Variants in SMARCC1 observed in about 807,000 individuals in gnomAD.
The protein encoded by SMARCC1 is SWI/SNF complex subunit SMARCC1.
SMARCC1 carries 43 observed loss-of-function variants against 147.4 expected under a neutral mutation model. That is an observed-to-expected ratio of 0.29 (90% confidence interval 0.23 to 0.38). The LOEUF is 0.38. SMARCC1 is among the 10% of genes least tolerant of loss of function. The pLI is 1.00. For missense variants in SMARCC1, 1,119 were observed against 1,381.1 expected (o/e 0.81, Z 3.01); for synonymous variants, 495 against 484.4 (o/e 1.02, Z -0.29).
At chr3:47,699,872 T>G (rs2033896743) in intron 11 of SMARCC1, among the ~76,000 whole-genome samples, 1 of 152,074 alleles carries the variant, frequency 6.6e-6, no homozygotes, top group Non-Finnish European at 1.5e-5. Context: ...TTTACAAATT[T>G]CTCAATAATG....
chr3:47,767,728 C>T (rs891432601), intron 2 of SMARCC1, among the ~76,000 whole-genome samples: 9 of 150,916 alleles, frequency 6.0e-5, no homozygotes, highest in East Asian at 4.0e-4. Flanking sequence ...ATTAGCTGGG[C>T]GTGGTGGTGG....
At position 47,724,541 on chromosome 3, in the gene SMARCC1, T is replaced by C. The variant is rs143043496; in HGVS notation, c.647-3806A>G. On this transcript the variant is annotated intron_variant, in intron 6 of 27. Transcript: ENST00000254480. ...GCTTTGAATGTAGCCCAACACAAAT[T>C]CATAAGTTTTCTTAGAACATTATGG... 3.1e-4 allele frequency among the ~76,000 whole-genome samples: 47 copies of C among 152,300 alleles called. No individual in the cohort carries two copies. In the East Asian group the frequency reaches 8.5e-3, roughly 27 times the overall value.
chr3:47,614,255 G>A (rs2032606628), intron 25 of SMARCC1, among the ~76,000 whole-genome samples: 1 of 152,146 alleles, frequency 6.6e-6, no homozygotes, highest in Non-Finnish European at 1.5e-5. Context: ...TCCAAAAAGG[G>A]AGCCTGCATC....
chr3:47,622,480 A>C (rs1463339904), intron 24 of SMARCC1, 139 bp from the exon 25 acceptor site: 1 of 781,800 alleles, frequency 1.3e-6, no homozygotes, highest in African/African-American at 1.8e-5. Flanking sequence ...GTACAATCTA[A>C]AATAACTGTC....
intron 2 of SMARCC1, among the ~76,000 whole-genome samples, chr3:47,767,126 T>TGAGCCGAGATCACACC (rs1210391598): frequency 8.0e-6 from 1 of 125,660 alleles, no homozygotes; most frequent in Non-Finnish European, 1.6e-5. Flanking sequence ...GAAGTTGCAG[T>TGAGCCGAGATCACACC]GAGCCGAGAT....
chr3:47,781,858 G>T lies in SMARCC1; in HGVS notation c.-61C>A. The T allele has an allele frequency of 8.6e-7, 1 of 1,159,540 alleles. No individual in the cohort carries two copies. Among genetic ancestry groups the T allele is most frequent in the Non-Finnish European group, 1.1e-6 (1 of 911,080 alleles). 71.8% of individuals were successfully genotyped at this position (1,159,540 alleles called of 1,614,324 possible). ...CCGGCCCTCGCGGTGTTTCCCGGTC[G>T]TTCCCGCGCGCACCCCCGCGCGCGT... On this transcript the variant is annotated 5_prime_UTR_variant, in exon 1 of 28. Coordinates refer to ENST00000254480, the MANE Select transcript of SMARCC1 (RefSeq NM_003074.4).
intron 24 of SMARCC1, among the ~76,000 whole-genome samples, chr3:47,633,765 T>TAA (rs2032927156): frequency 1.0e-4 from 3 of 28,898 alleles, no homozygotes; most frequent in Admixed American, 5.9e-4. Flanking sequence ...AAAAAAAAAA[T>TAA]ATATATATAT....
At chr3:47,777,511 C>T (rs2034990031) in intron 1 of SMARCC1, among the ~76,000 whole-genome samples, 1 of 151,946 alleles carries the variant, frequency 6.6e-6, no homozygotes, top group African/African-American at 2.4e-5. Flanking sequence ...CTGGGCAACA[C>T]AGTAAGACCC....
chr3:47,735,218 T>C (rs1385004787), intron 5 of SMARCC1, among the ~76,000 whole-genome samples: 2 of 152,032 alleles, frequency 1.3e-5, no homozygotes, highest in Non-Finnish European at 2.9e-5. Context: ...CTGTGATACA[T>C]AATACACTAG....
chr3:47,679,808 G>A (rs2033618917), intron 15 of SMARCC1, among the ~76,000 whole-genome samples: 1 of 147,342 alleles, frequency 6.8e-6, no homozygotes, highest in South Asian at 2.1e-4. Flanking sequence ...GCTGCAGTTA[G>A]CTGAGATTGC....
intron 24 of SMARCC1, among the ~76,000 whole-genome samples, chr3:47,634,942 C>T (rs1391197153): frequency 6.6e-6 from 1 of 152,176 alleles, no homozygotes; most frequent in Non-Finnish European, 1.5e-5. Context: ...AATTTGCCTT[C>T]AATCTCTGCA....
chr3:47,727,690 A>G (rs1045930325), intron 6 of SMARCC1, among the ~76,000 whole-genome samples: 5 of 151,436 alleles, frequency 3.3e-5, no homozygotes, highest in Non-Finnish European at 7.4e-5. Context: ...ATCTCAGCTC[A>G]CTGCAACCTC....
intron 19 of SMARCC1, chr3:47,664,005 T>G: frequency 1.2e-6 from 1 of 828,488 alleles, no homozygotes; most frequent in Non-Finnish European, 1.9e-6. Context: ...GGCCCTACCA[T>G]GGGACTTACT....
intron 21 of SMARCC1, among the ~76,000 whole-genome samples, chr3:47,654,740 T>TA (rs376002267): frequency 1.6e-4 from 24 of 152,216 alleles, no homozygotes; most frequent in African/African-American, 5.5e-4. Flanking sequence ...GTCCTGAAAT[T>TA]ATAACAACCC....
At chr3:47,740,178 C>CTTTTTTTTTT (rs34523367) in intron 3 of SMARCC1, among the ~76,000 whole-genome samples, 3 of 35,714 alleles carry the variant, frequency 8.4e-5, no homozygotes, top group African/African-American at 1.6e-4. Context: ...GCCCGGCCAT[C>CTTTTTTTTTT]TTTTTTTTTT....
intron 26 of SMARCC1, 114 bp downstream of exon 26, chr3:47,609,952 G>T: frequency 8.7e-7 from 1 of 1,151,176 alleles, no homozygotes; most frequent in Non-Finnish European, 1.2e-6. Flanking sequence ...AGATGACAAT[G>T]AAAATTTTGA....
At chr3:47,632,909 T>A (rs2032911722) in intron 24 of SMARCC1, among the ~76,000 whole-genome samples, 1 of 152,052 alleles carries the variant, frequency 6.6e-6, no homozygotes, top group Admixed American at 6.6e-5. Flanking sequence ...AGTAACATGT[T>A]CCTATTTGCA....
rs1350244259 is a variant in SMARCC1, at chr3:47,701,382, T to C, written c.1061A>G (p.Lys354Arg). The stretch of plus-strand genomic sequence containing the variant: ...ATCTTCCTCTTTCTGACTTCTGCGC[T>C]TCCCATAAAGGCTAGCTTGGCTAAA... ...GKKGQASLYG[K>R]RRSQKEEDEQ... Residue 354 changes from lysine (K) to arginine (R), a missense_variant, in exon 11 of 28, where the codon AAG becomes AGG. This residue lies in a region of SMARCC1 where 542 missense variants were observed against 611.8 expected (regional missense o/e 0.89). Transcript: ENST00000254480. 3.7e-6 allele frequency: 6 copies of C among 1,613,792 alleles called. No homozygotes were observed. Among genetic ancestry groups the C allele is most frequent in the Non-Finnish European group, 4.2e-6 (5 of 1,179,724 alleles).
intron 11 of SMARCC1, among the ~76,000 whole-genome samples, chr3:47,696,083 G>C (rs984780443): frequency 1.4e-4 from 21 of 146,012 alleles, no homozygotes; most frequent in African/African-American, 3.0e-4. Flanking sequence ...AAAAAGGGGG[G>C]GGGGGGGCCA....
Sources: gnomAD v4.1 joint callset for allele counts (sites outside exome capture counted in the v4.1 genomes callset) on GRCh38, gnomAD v4.1.1 for gene constraint, gnomAD v4.1.1 regional missense constraint, MANE v1.5 for transcripts, NCBI Gene and HGNC (gene_info 2026-07-23, HGNC 2026-07-21) for gene names.